The following TRIM24 variants were observed in gnomAD, a reference collection of about 807,000 sequenced individuals.
The protein encoded by TRIM24 is tripartite motif containing 24.
TRIM24 carries 29 observed loss-of-function variants against 123.9 expected under a neutral mutation model. The observed-to-expected ratio is 0.23, with a 90% CI of 0.17 to 0.32. The LOEUF is 0.32. Ranked by LOEUF, TRIM24 falls within the 10% of genes least tolerant of loss-of-function variation. The pLI is 1.00. For missense variants in TRIM24, 932 were observed against 1,295.3 expected, an observed-to-expected ratio of 0.72 and a Z score of 4.31; for synonymous variants, 456 against 461.1, an observed-to-expected ratio of 0.99 and a Z score of 0.14.
Position 138,586,409 on chromosome 7 carries a change from G to T in TRIM24, c.*1458G>T. Reference sequence around the variant, plus strand: ...TAGAAGACTTGGTTTTATCTACATGGCTTTACTTCTTAAAGTGGAAAATAT... The same window carrying T: ...TAGAAGACTTGGTTTTATCTACATGTCTTTACTTCTTAAAGTGGAAAATAT... On this transcript the variant is annotated 3_prime_UTR_variant, in exon 19 of 19. Coordinates refer to ENST00000343526, the MANE Select transcript of TRIM24 (RefSeq NM_015905.3). The T allele has an allele frequency of 6.5e-6, 1 of 153,448 alleles. No homozygotes were observed. Among genetic ancestry groups the T allele is most frequent in the Non-Finnish European group, 1.5e-5 (1 of 68,778 alleles). The allele number at this position is 153,448 out of a possible 1,614,324, so 9.5% of individuals were successfully genotyped here. A position where few individuals can be genotyped will look rare whatever the true frequency, so the allele number is the denominator to read the frequency against.
chr7:138,571,329 T>G (rs974411991), intron 11 of TRIM24, among the ~76,000 whole-genome samples: 2 of 152,220 alleles, frequency 1.3e-5, no homozygotes, highest in African/African-American at 4.8e-5. Flanking sequence ...AATTTGGATC[T>G]GGTAGAAGGC....
At chr7:138,492,534 T>C (rs577267585) in intron 1 of TRIM24, among the ~76,000 whole-genome samples, 4 of 152,232 alleles carry the variant, frequency 2.6e-5, no homozygotes, top group African/African-American at 7.2e-5. Context: ...TAGGAGTTAA[T>C]CCTTACATTG....
intron 2 of TRIM24, among the ~76,000 whole-genome samples, chr7:138,513,774 A>G (rs1359679552): frequency 6.6e-6 from 1 of 152,232 alleles, no homozygotes; most frequent in Non-Finnish European, 1.5e-5. Context: ...AAGCAGTAGC[A>G]TTACACACAC....
At chr7:138,526,421 T>G (rs1379796850) in intron 5 of TRIM24, among the ~76,000 whole-genome samples, 1 of 152,146 alleles carries the variant, frequency 6.6e-6, no homozygotes, top group Admixed American at 6.5e-5. Flanking sequence ...CTCTCATTTG[T>G]TTTTACCTCT....
In TRIM24 at chr7:138,585,657, A is replaced by AT. The variant is rs1001476924; in HGVS notation, c.*712dup. 6 of 371,736 alleles carry AT rather than the reference A, an allele frequency of 1.6e-5. No individual in the cohort carries two copies. Among genetic ancestry groups the AT allele is most frequent in the African/African-American group, 4.4e-5 (2 of 45,704 alleles). 23.0% of individuals were successfully genotyped at this position (371,736 alleles called of 1,614,324 possible). On this transcript the variant is annotated 3_prime_UTR_variant, in exon 19 of 19. Transcript: ENST00000343526. ...TTTGGTATAGCAGGTTTTCAAGGCC[A>AT]TTTTTTATACATTTCTAGATCTAGA...
rs1798061855 is a variant in TRIM24 at position 138,588,924 on chromosome 7, C to T, written c.*3973C>T. 6.6e-6 allele frequency: 1 copy of T among 151,658 alleles called. No individual in the cohort carries two copies. Among genetic ancestry groups the T allele is most frequent in the Admixed American group, 6.6e-5 (1 of 15,188 alleles). 9.4% of individuals were successfully genotyped at this position (151,658 alleles called of 1,614,324 possible). A position where few individuals can be genotyped will look rare whatever the true frequency, so the allele number is the denominator to read the frequency against. On this transcript the variant is annotated 3_prime_UTR_variant, in exon 19 of 19. Coordinates refer to ENST00000343526, the MANE Select transcript of TRIM24 (RefSeq NM_015905.3). ...TTGGGATGCTGAGGCAGGAGAATAG[C>T]TTGAACCCAGGAGGTGGAGGTTGCA...
chr7:138,479,503 G>C (rs1795478804), intron 1 of TRIM24, among the ~76,000 whole-genome samples: 1 of 151,966 alleles, frequency 6.6e-6, no homozygotes, highest in South Asian at 2.1e-4. Flanking sequence ...CTCCTGAGTA[G>C]CTGGGCGTGT....
intron 7 of TRIM24, among the ~76,000 whole-genome samples, chr7:138,548,823 G>C (rs1797154316): frequency 6.6e-6 from 1 of 151,932 alleles, no homozygotes; most frequent in Non-Finnish European, 1.5e-5. Context: ...TAAAAACCAG[G>C]ACAAAAACAT....
At position 138,573,588 on chromosome 7, in the gene TRIM24, T is replaced by C. The variant is rs760270649; in HGVS notation, c.1960T>C (p.Ser654Pro). 10 of 1,614,046 alleles carry C rather than the reference T, an allele frequency of 6.2e-6. No homozygotes were observed. Among genetic ancestry groups the C allele is most frequent in the Admixed American group, 1.7e-5 (1 of 60,008 alleles). The part of the protein sequence containing the change: ...NIDHGQPRPP[S>P]NRTVQSPNSS... Reference sequence around the variant, plus strand: ...AGATCATGGCCAGCCAAGACCACCCTCAAACAGAACGGTCCAGTCACCAAA... The same window carrying C: ...AGATCATGGCCAGCCAAGACCACCCCCAAACAGAACGGTCCAGTCACCAAA... The change falls in exon 12 of 19, where the codon TCA (serine) becomes CCA (proline). Residue 654 changes from serine (S) to proline (P), a missense_variant. Physicochemically the swap from Ser to Pro is moderately conservative, Grantham distance 74. Coordinates refer to ENST00000343526, the MANE Select transcript of TRIM24 (RefSeq NM_015905.3).
In TRIM24 at chr7:138,460,350, C is replaced by A. The variant is rs1350990865; in HGVS notation, c.-199C>A. 1 of 465,566 alleles carries A rather than the reference C, an allele frequency of 2.1e-6. No homozygotes were observed. 28.8% of individuals were successfully genotyped at this position (465,566 alleles called of 1,614,324 possible). A position where few individuals can be genotyped will look rare whatever the true frequency, so the allele number is the denominator to read the frequency against. ...GTCTCCGCTGACAGATACCCTCCTT[C>A]CGGCCGCGCCACTCGGGAGGCGGAT... On this transcript the variant is annotated 5_prime_UTR_variant, in exon 1 of 19. Transcript: ENST00000343526.
chr7:138,527,390 T>C (rs1796632657), intron 5 of TRIM24, among the ~76,000 whole-genome samples: 1 of 152,270 alleles, frequency 6.6e-6, no homozygotes, highest in African/African-American at 2.4e-5. Context: ...CATATCTTTA[T>C]AGCCTATGTG....
At chr7:138,485,425 G>C (rs951968042) in intron 1 of TRIM24, among the ~76,000 whole-genome samples, 1 of 151,306 alleles carries the variant, frequency 6.6e-6, no homozygotes, top group Admixed American at 6.6e-5. Flanking sequence ...ACATATATAT[G>C]CATGTGCCAT....
intron 7 of TRIM24, among the ~76,000 whole-genome samples, chr7:138,550,551 T>C (rs1268828488): frequency 2.6e-5 from 4 of 151,790 alleles, no homozygotes; most frequent in Non-Finnish European, 5.9e-5. Context: ...TGGAGGAAAG[T>C]GGATGGTGTG....
At chr7:138,528,970 T>G (rs1796670635) in intron 5 of TRIM24, 146 bp from the exon 6 acceptor site, 1 of 403,680 alleles carries the variant, frequency 2.5e-6, no homozygotes, top group African/African-American at 2.1e-5. Context: ...CTGTCTCATC[T>G]TCAAGACAGT....
At chr7:138,500,493 G>A (rs1373247035) in intron 1 of TRIM24, among the ~76,000 whole-genome samples, 1 of 151,414 alleles carries the variant, frequency 6.6e-6, no homozygotes, top group African/African-American at 2.4e-5. Context: ...AGCCCGAGAG[G>A]TGGAGGCTAC....
At chr7:138,505,100 G>T (rs1197170702) in intron 2 of TRIM24, among the ~76,000 whole-genome samples, 1 of 152,022 alleles carries the variant, frequency 6.6e-6, no homozygotes, top group African/African-American at 2.4e-5. Context: ...TAAAATGCTG[G>T]AGATCTCTAA....
chr7:138,512,208 C>T (rs576503055), intron 2 of TRIM24, among the ~76,000 whole-genome samples: 2 of 152,326 alleles, frequency 1.3e-5, no homozygotes, highest in Non-Finnish European at 2.9e-5. Flanking sequence ...TCAGCCCCCA[C>T]AGCTGCTCTC....
At chr7:138,463,326 A>G (rs1480509093) in intron 1 of TRIM24, among the ~76,000 whole-genome samples, 2 of 151,372 alleles carry the variant, frequency 1.3e-5, no homozygotes. Flanking sequence ...GCACAATCTC[A>G]GCTCACTGCA....
At chr7:138,577,988 A>G (rs767269336) in intron 14 of TRIM24, among the ~76,000 whole-genome samples, 2 of 152,188 alleles carry the variant, frequency 1.3e-5, no homozygotes, top group Non-Finnish European at 2.9e-5. Context: ...AAGACATAAG[A>G]TTCCAAAAAT....
Sources: allele counts gnomAD v4.1 joint callset (sites outside exome capture counted in the v4.1 genomes callset), GRCh38; gene constraint gnomAD v4.1.1; transcripts MANE v1.5; gene names NCBI Gene and HGNC (gene_info 2026-07-23, HGNC 2026-07-21).